Variants in NFXL1 observed in about 807,000 individuals in gnomAD.
The protein encoded by NFXL1 is nuclear transcription factor, X-box binding like 1.
A neutral mutation model predicts 123.3 loss-of-function variants in NFXL1; 66 were observed. The ratio of observed to expected loss-of-function variants is 0.54; its 90% confidence interval spans 0.44 to 0.66. NFXL1 has a LOEUF of 0.66. Among genes scored for constraint, NFXL1 ranks in the 30% least tolerant of loss-of-function variants. NFXL1 has a pLI of 0.00. For missense variants in NFXL1, 944 were observed against 1,125.6 expected (o/e 0.84, Z 2.31); for synonymous variants, 346 against 360.8 (o/e 0.96, Z 0.46).
chr4:47,909,224 A>G (rs1472433939), intron 3 of NFXL1, among the ~76,000 whole-genome samples: 2 of 152,168 alleles, frequency 1.3e-5, no homozygotes, highest in African/African-American at 2.4e-5. Flanking sequence ...CAAACATCCT[A>G]CAGCCAAGTA....
intron 18 of NFXL1, among the ~76,000 whole-genome samples, chr4:47,872,687 C>T (rs1469556291): frequency 6.6e-6 from 1 of 152,080 alleles, no homozygotes; most frequent in African/African-American, 2.4e-5. Flanking sequence ...ATGTGTATAC[C>T]TTAACAATAC....
At chr4:47,873,762 T>C (rs145870351) in intron 18 of NFXL1, among the ~76,000 whole-genome samples, 2 of 152,346 alleles carry the variant, frequency 1.3e-5, no homozygotes, top group Non-Finnish European at 2.9e-5. Flanking sequence ...AGTTTGCCTG[T>C]CCTTTGACAC....
At chr4:47,883,121 C>T (rs554077978) in intron 15 of NFXL1, among the ~76,000 whole-genome samples, 1 of 151,966 alleles carries the variant, frequency 6.6e-6, no homozygotes, top group South Asian at 2.1e-4. Flanking sequence ...GTGTTTTTAT[C>T]AAGAAAGTGT....
chr4:47,856,845 T>C (rs140533602), intron 19 of NFXL1, among the ~76,000 whole-genome samples: 1 of 152,278 alleles, frequency 6.6e-6, no homozygotes, highest in East Asian at 1.9e-4. Flanking sequence ...ATAAGCTCAA[T>C]ATTTATTCAT....
chr4:47,859,894 T>G (rs182624285), intron 19 of NFXL1, among the ~76,000 whole-genome samples: 1 of 84,288 alleles, frequency 1.2e-5, no homozygotes, highest in Non-Finnish European at 2.5e-5. Flanking sequence ...AAAGTAGAAA[T>G]ACCACATGAT....
chr4:47,871,430 A>G (rs1217068874), intron 18 of NFXL1, among the ~76,000 whole-genome samples: 2 of 152,136 alleles, frequency 1.3e-5, no homozygotes, highest in African/African-American at 4.8e-5. Flanking sequence ...TACTTTATGT[A>G]GTATCACTGG....
intron 15 of NFXL1, among the ~76,000 whole-genome samples, chr4:47,879,768 C>T (rs1181143715): frequency 6.6e-6 from 1 of 152,114 alleles, no homozygotes; most frequent in Non-Finnish European, 1.5e-5. Flanking sequence ...AATGGAACCA[C>T]ACAAATCATA....
At chr4:47,884,032 T>C (rs1736275215) in intron 15 of NFXL1, among the ~76,000 whole-genome samples, 1 of 152,218 alleles carries the variant, frequency 6.6e-6, no homozygotes, top group Non-Finnish European at 1.5e-5. Context: ...ATGGGAATCA[T>C]CGGGAAAAGT....
intron 12 of NFXL1, among the ~76,000 whole-genome samples, chr4:47,888,622 T>G (rs1304552806): frequency 6.6e-6 from 1 of 152,090 alleles, no homozygotes; most frequent in Non-Finnish European, 1.5e-5. Context: ...TAGATCCAAT[T>G]AACAGGTTAT....
intron 3 of NFXL1, 130 bp downstream of exon 3, chr4:47,910,694 T>C: frequency 2.1e-6 from 1 of 468,072 alleles, no homozygotes; most frequent in Non-Finnish European, 3.7e-6. Flanking sequence ...GTACAAAAAT[T>C]CAACTCTATA....
intron 19 of NFXL1, among the ~76,000 whole-genome samples, chr4:47,862,068 T>C (rs1190981732): frequency 2.0e-5 from 3 of 152,226 alleles, no homozygotes; most frequent in Non-Finnish European, 4.4e-5. Flanking sequence ...TAATTTTAAC[T>C]GTCCCACTCC....
rs543571377 is a variant in NFXL1, at chr4:47,880,647, CTA to C, written c.1917-1532_1917-1531del. On this transcript the variant is annotated intron_variant, in intron 15 of 22. Coordinates refer to ENST00000507489, the MANE Select transcript of NFXL1 (RefSeq NM_001278624.2). ...TATAGCATGTGCTCACTTCATGTCTCTATGACAATTTTCATATAATTCTTGCA... is the reference window on the plus strand; with the variant it reads ...TATAGCATGTGCTCACTTCATGTCTCTGACAATTTTCATATAATTCTTGCA... 8.6e-5 allele frequency among the ~76,000 whole-genome samples: 13 copies of C among 151,588 alleles called. No homozygotes were observed. In the South Asian group the frequency reaches 2.7e-3, roughly 32 times the overall value.
intron 5 of NFXL1, among the ~76,000 whole-genome samples, chr4:47,902,794 C>A (rs1364353099): frequency 6.6e-6 from 1 of 152,124 alleles, no homozygotes; most frequent in East Asian, 1.9e-4. Context: ...TAATTAAAAG[C>A]CCAACATGGA....
At chr4:47,858,325 C>A (rs1577988130) in intron 19 of NFXL1, among the ~76,000 whole-genome samples, 2 of 152,180 alleles carry the variant, frequency 1.3e-5, no homozygotes, top group African/African-American at 2.4e-5. Flanking sequence ...TAAATTGATA[C>A]AACCATTTTG....
At chr4:47,883,616 A>G (rs1270630376) in intron 15 of NFXL1, among the ~76,000 whole-genome samples, 1 of 152,210 alleles carries the variant, frequency 6.6e-6, no homozygotes, top group Non-Finnish European at 1.5e-5. Context: ...TGTGACCAAT[A>G]CACAAAAATA....
At chr4:47,905,374 C>T (rs774910561) in intron 3 of NFXL1, 28 bp from the exon 4 acceptor site, 1 of 1,081,706 alleles carries the variant, frequency 9.2e-7, no homozygotes. Flanking sequence ...GAAAATCTCA[C>T]CCTAAACAAC....
intron 18 of NFXL1, among the ~76,000 whole-genome samples, chr4:47,872,840 A>T (rs1157213135): frequency 6.6e-6 from 1 of 151,546 alleles, no homozygotes; most frequent in Non-Finnish European, 1.5e-5. Context: ...TATGGCAATT[A>T]AAAAAAATAA....
At chr4:47,851,466 C>A (rs899927422) in intron 21 of NFXL1, among the ~76,000 whole-genome samples, 2 of 152,048 alleles carry the variant, frequency 1.3e-5, no homozygotes, top group African/African-American at 4.8e-5. Context: ...TCTTGAGTTG[C>A]TGTATTAAGA....
intron 9 of NFXL1, among the ~76,000 whole-genome samples, chr4:47,897,643 A>G (rs960846812): frequency 2.6e-5 from 4 of 152,158 alleles, no homozygotes; most frequent in African/African-American, 7.2e-5. Flanking sequence ...ATGGTGTTGT[A>G]TATTTTATAG....
Sources: gnomAD v4.1 joint callset for allele counts (sites outside exome capture counted in the v4.1 genomes callset) on GRCh38, gnomAD v4.1.1 for gene constraint, MANE v1.5 for transcripts, NCBI Gene and HGNC (gene_info 2026-07-23, HGNC 2026-07-21) for gene names.